The following EYS variants were observed in gnomAD, a reference collection of about 807,000 sequenced individuals.
EYS encodes protein eyes shut homolog.
A neutral mutation model predicts 282.1 loss-of-function variants in EYS; 250 were observed. The ratio of observed to expected loss-of-function variants is 0.89; its 90% confidence interval spans 0.80 to 0.98. EYS has a LOEUF of 0.98. Ranked by LOEUF, EYS falls within the 50% of genes least tolerant of loss-of-function variation. EYS has a pLI of 0.00. For synonymous variants in EYS, 1,355 were observed against 1,282.9 expected (o/e 1.06, Z -1.20); for missense variants, 4,016 against 3,709.0 (o/e 1.08, Z -2.15).
chr6:65,246,442 C>T (rs1371676881), intron 12 of EYS, among the ~76,000 whole-genome samples: 1 of 151,986 alleles, frequency 6.6e-6, no homozygotes, highest in East Asian at 1.9e-4. Flanking sequence ...TTATGGTATG[C>T]CAGAGGACAA....
chr6:65,083,036 C>G (rs1774269697), intron 12 of EYS, among the ~76,000 whole-genome samples: 1 of 151,856 alleles, frequency 6.6e-6, no homozygotes, highest in Non-Finnish European at 1.5e-5. Context: ...TTAATATATT[C>G]TGCCAAATTT....
intron 29 of EYS, among the ~76,000 whole-genome samples, chr6:64,322,082 A>T (rs944506517): frequency 6.6e-6 from 1 of 151,992 alleles, no homozygotes; most frequent in African/African-American, 2.4e-5. Context: ...TTTAACAACT[A>T]TTTACTAAGC....
chr6:64,488,361 G>T (rs1050515496), intron 26 of EYS, among the ~76,000 whole-genome samples: 2 of 150,946 alleles, frequency 1.3e-5, no homozygotes, highest in Non-Finnish European at 3.0e-5. Flanking sequence ...CTCACTGGCA[G>T]ATTCTCTCCT....
chr6:65,486,097 G>A (rs959217855), intron 5 of EYS, among the ~76,000 whole-genome samples: 1 of 152,168 alleles, frequency 6.6e-6, no homozygotes, highest in African/African-American at 2.4e-5. Context: ...ATAGAAAAAT[G>A]TGGAGCAGAA....
intron 22 of EYS, among the ~76,000 whole-genome samples, chr6:64,651,401 CATTAG>C (rs1243038983): frequency 4.0e-5 from 6 of 151,766 alleles, no homozygotes; most frequent in Non-Finnish European, 7.4e-5. Flanking sequence ...AAAAATAAGC[CATTAG>C]ATTAGAGAGT....
chr6:64,903,004 C>G (rs1429991560), intron 16 of EYS, among the ~76,000 whole-genome samples: 1 of 151,596 alleles, frequency 6.6e-6, no homozygotes, highest in Non-Finnish European at 1.5e-5. Flanking sequence ...TAAACACATG[C>G]CAGTTATATT....
chr6:64,005,339 ACTT>A (rs1391122037), intron 33 of EYS, among the ~76,000 whole-genome samples: 2 of 152,068 alleles, frequency 1.3e-5, no homozygotes, highest in African/African-American at 4.8e-5. Flanking sequence ...TTGCTTGTTA[ACTT>A]AAGTTCCTTA....
chr6:64,404,378 A>AGT (rs1773635803), intron 28 of EYS, among the ~76,000 whole-genome samples: 1 of 142,708 alleles, frequency 7.0e-6, no homozygotes, highest in East Asian at 2.0e-4. Flanking sequence ...ATAGAGTGTG[A>AGT]GAGTGTGTGT....
At chr6:64,456,444 A>ATTATG (rs1471827692) in intron 26 of EYS, among the ~76,000 whole-genome samples, 1 of 152,012 alleles carries the variant, frequency 6.6e-6, no homozygotes, top group Non-Finnish European at 1.5e-5. Context: ...CTTGAGTTTA[A>ATTATG]TTATGTTGTT....
intron 2 of EYS, among the ~76,000 whole-genome samples, chr6:65,509,602 T>C (rs1248786099): frequency 6.6e-6 from 1 of 152,204 alleles, no homozygotes; most frequent in Non-Finnish European, 1.5e-5. Flanking sequence ...TTAAACATTC[T>C]AGATGAAAAC....
chr6:64,538,186 C>T (rs757380234), intron 26 of EYS, among the ~76,000 whole-genome samples: 2 of 151,996 alleles, frequency 1.3e-5, no homozygotes, highest in African/African-American at 4.8e-5. Flanking sequence ...TCTAAGGGAA[C>T]CAAGGTTTTA....
intron 13 of EYS, among the ~76,000 whole-genome samples, chr6:65,004,867 A>T (rs572344163): frequency 6.8e-6 from 1 of 147,986 alleles, no homozygotes; most frequent in Non-Finnish European, 1.5e-5. Flanking sequence ...CATCTAACAA[A>T]GTACCAGCAG....
chr6:65,618,678 C>T (rs146508632), intron 2 of EYS, among the ~76,000 whole-genome samples: 5,781 of 151,968 alleles, frequency 0.038, 329 homozygotes, highest in African/African-American at 0.13. Context: ...AGGGTTTTTA[C>T]GGTTTTAGGT....
chr6:63,753,162 ATAT>A (rs1769387601), intron 41 of EYS, among the ~76,000 whole-genome samples: 1 of 144,342 alleles, frequency 6.9e-6, no homozygotes, highest in Non-Finnish European at 1.5e-5. Flanking sequence ...ATATATATAT[ATAT>A]ATGTATATAT....
At chr6:64,826,682 G>GTATATA (rs3065326) in intron 19 of EYS, among the ~76,000 whole-genome samples, 27 of 144,366 alleles carry the variant, frequency 1.9e-4, no homozygotes, top group South Asian at 2.1e-4. Context: ...ATGATTTTAT[G>GTATATA]TATATATATA....
rs553274473 is a variant in EYS, at chr6:65,592,823, G to A, written c.-333+46955C>T. Among the ~76,000 whole-genome samples, 30 of 152,096 alleles carry A rather than the reference G, an allele frequency of 2.0e-4. No homozygotes were observed. The South Asian group carries it at 5.6e-3, about 28-fold the overall frequency. On this transcript the variant is annotated intron_variant, in intron 2 of 42. Coordinates refer to ENST00000503581, the MANE Select transcript of EYS (RefSeq NM_001142800.2). ...GTTTTATTAAAATCCCTTTCCTAATGTCATTGAGCAGTACAACATGTTTAT... is the reference window on the plus strand; with the variant it reads ...GTTTTATTAAAATCCCTTTCCTAATATCATTGAGCAGTACAACATGTTTAT...
At chr6:63,860,000 A>T (rs1772494345) in intron 36 of EYS, among the ~76,000 whole-genome samples, 1 of 152,256 alleles carries the variant, frequency 6.6e-6, no homozygotes, top group South Asian at 2.1e-4. Context: ...ATTAGCAAAA[A>T]GGCAAAGTCC....
At chr6:65,473,565 C>A (rs1433927715) in intron 5 of EYS, among the ~76,000 whole-genome samples, 4 of 151,706 alleles carry the variant, frequency 2.6e-5, no homozygotes, top group Non-Finnish European at 5.9e-5. Flanking sequence ...CAAGAGAAAA[C>A]CAATAATTAA....
intron 22 of EYS, among the ~76,000 whole-genome samples, chr6:64,759,255 T>C (rs1773082736): frequency 6.6e-6 from 1 of 152,200 alleles, no homozygotes; most frequent in Non-Finnish European, 1.5e-5. Flanking sequence ...AGCGAGACAT[T>C]CCTTTGGACT....
Sources: allele counts gnomAD v4.1 joint callset (sites outside exome capture counted in the v4.1 genomes callset), GRCh38; gene constraint gnomAD v4.1.1; transcripts MANE v1.5; gene names NCBI Gene and HGNC (gene_info 2026-07-23, HGNC 2026-07-21).